The following ANKRD17 variants were observed in gnomAD, a reference collection of about 807,000 sequenced individuals.
ANKRD17 encodes ankyrin repeat domain-containing protein 17.
Under a neutral mutation model 229.7 loss-of-function variants are expected in ANKRD17, and 19 were observed. The observed-to-expected ratio is 0.08, with a 90% CI of 0.06 to 0.12. The LOEUF is 0.12. ANKRD17 is among the 10% of genes least tolerant of loss of function. The probability of loss-of-function intolerance (pLI) is 1.00; values close to 1 mark genes in which losing one functional copy is unlikely to be tolerated. For synonymous variants in ANKRD17, 1,112 were observed against 1,146.1 expected, an observed-to-expected ratio of 0.97 and a Z score of 0.60; for missense variants, 2,176 against 3,176.8, an observed-to-expected ratio of 0.68 and a Z score of 7.57.
intron 1 of ANKRD17, among the ~76,000 whole-genome samples, chr4:73,215,299 C>T (rs1050595747): frequency 3.3e-5 from 5 of 150,660 alleles, no homozygotes; most frequent in African/African-American, 4.9e-5. Flanking sequence ...CTTGCTCTGT[C>T]GCCAGGCTTG....
intron 1 of ANKRD17, among the ~76,000 whole-genome samples, chr4:73,183,312 T>C (rs1246995823): frequency 2.0e-5 from 3 of 152,202 alleles, no homozygotes; most frequent in African/African-American, 4.8e-5. Context: ...TAAGAAAATA[T>C]CCTTGTTTTT....
At chr4:73,190,848 A>C (rs1736978572) in intron 1 of ANKRD17, among the ~76,000 whole-genome samples, 1 of 152,156 alleles carries the variant, frequency 6.6e-6, no homozygotes, top group Admixed American at 6.5e-5. Flanking sequence ...AGAAAAGTGT[A>C]AGACCTACAG....
intron 2 of ANKRD17, among the ~76,000 whole-genome samples, chr4:73,176,047 A>G (rs1235978794): frequency 6.6e-6 from 1 of 152,170 alleles, no homozygotes; most frequent in Non-Finnish European, 1.5e-5. Flanking sequence ...AAATATTTGC[A>G]AACTACCCAG....
At chr4:73,205,720 A>G (rs903352747) in intron 1 of ANKRD17, among the ~76,000 whole-genome samples, 8 of 152,250 alleles carry the variant, frequency 5.3e-5, no homozygotes, top group African/African-American at 1.9e-4. Context: ...CTCAAATAAC[A>G]AAAGTAAAAA....
chr4:73,155,582 A>G (rs773188889), intron 5 of ANKRD17, 49 bp downstream of exon 5: 2 of 1,596,998 alleles, frequency 1.3e-6, no homozygotes, highest in South Asian at 2.2e-5. Flanking sequence ...AATCATTATT[A>G]CCAAATGATG....
chr4:73,237,281 A>C (rs1377477136), intron 1 of ANKRD17, among the ~76,000 whole-genome samples: 2 of 152,230 alleles, frequency 1.3e-5, no homozygotes, highest in Non-Finnish European at 1.5e-5. Context: ...CATGCATAGA[A>C]GACAAAAAGC....
At chr4:73,133,855 G>A (rs958799258) in intron 16 of ANKRD17, among the ~76,000 whole-genome samples, 1 of 152,126 alleles carries the variant, frequency 6.6e-6, no homozygotes, top group East Asian at 1.9e-4. Flanking sequence ...AAAAAGAATG[G>A]TGTCTTTGAA....
intron 1 of ANKRD17, among the ~76,000 whole-genome samples, chr4:73,228,247 T>C (rs1177163846): frequency 2.0e-5 from 3 of 152,160 alleles, no homozygotes; most frequent in Non-Finnish European, 4.4e-5. Flanking sequence ...TACGATTTGG[T>C]AAGATTTCTG....
intron 1 of ANKRD17, among the ~76,000 whole-genome samples, chr4:73,252,037 GTTCTGTTACCTCAAGACTTGAA>G (rs1179186149): frequency 6.6e-6 from 1 of 152,216 alleles, no homozygotes; most frequent in Non-Finnish European, 1.5e-5. Flanking sequence ...CTGCAACCAA[GTTCTGTTACCTCAAGACTTGAA>G]GTCCCAAAGA....
intron 24 of ANKRD17, among the ~76,000 whole-genome samples, chr4:73,106,547 G>C (rs1724644308): frequency 1.3e-5 from 2 of 152,100 alleles, no homozygotes; most frequent in Non-Finnish European, 1.5e-5. Flanking sequence ...AGGCACTGAG[G>C]GTTTCTGAGG....
chr4:73,208,649 C>A (rs1399011716), intron 1 of ANKRD17, among the ~76,000 whole-genome samples: 1 of 152,106 alleles, frequency 6.6e-6, no homozygotes, highest in Non-Finnish European at 1.5e-5. Context: ...TCCAAGGAAA[C>A]CCCAGTTAAG....
chr4:73,094,372 T>A, intron 27 of ANKRD17, 144 bp from the exon 28 acceptor site: 2 of 738,364 alleles, frequency 2.7e-6, no homozygotes, highest in South Asian at 4.3e-5. Flanking sequence ...ACTCTTACTC[T>A]AGATGAACAG....
chr4:73,154,838 G>C (rs1458553644), intron 5 of ANKRD17, among the ~76,000 whole-genome samples: 6 of 151,944 alleles, frequency 3.9e-5, no homozygotes, highest in African/African-American at 1.5e-4. Flanking sequence ...TCAGGAGATC[G>C]AGACCATCCC....
At chr4:73,145,055 G>A (rs1471819436) in intron 10 of ANKRD17, among the ~76,000 whole-genome samples, 2 of 152,108 alleles carry the variant, frequency 1.3e-5, no homozygotes, top group Non-Finnish European at 2.9e-5. Flanking sequence ...GCCAAAGTGA[G>A]CACTGGAAAT....
In ANKRD17 at chr4:73,077,495, T is replaced by C. The variant is rs563217293; in HGVS notation, c.7447A>G (p.Met2483Val). The C allele has an allele frequency of 9.3e-6, 15 of 1,612,340 alleles. No homozygotes were observed. The highest frequency in any genetic ancestry group is 7.7e-5 in the South Asian group (7 of 90,806). Reference protein sequence around the residue: ...DWCNPGMGNPMIHRPMSDPGV... With the variant: ...DWCNPGMGNPVIHRPMSDPGV... The stretch of plus-strand genomic sequence containing the variant: ...GGGTCAGACATCGGTCTGTGGATCA[T>C]AGGATTTCCCATCCCAGGGTTACAC... Residue 2483 changes from methionine to valine, a missense_variant, in exon 32 of 34, where the codon ATG becomes GTG. Met to Val is a conservative substitution (Grantham distance 21, BLOSUM62 1). Around this residue, in one of 18 missense-constraint regions of ANKRD17, gnomAD observed 159 missense variants for 214.3 expected, o/e 0.74. Transcript: ENST00000358602.
intron 3 of ANKRD17, among the ~76,000 whole-genome samples, chr4:73,160,862 T>A (rs1732435596): frequency 6.6e-6 from 1 of 152,234 alleles, no homozygotes; most frequent in Non-Finnish European, 1.5e-5. Flanking sequence ...CAATACATTT[T>A]TAAAAAAAAT....
intron 15 of ANKRD17, among the ~76,000 whole-genome samples, chr4:73,138,902 A>G (rs1028610808): frequency 6.6e-6 from 1 of 152,192 alleles, no homozygotes; most frequent in African/African-American, 2.4e-5. Context: ...AAAATATATC[A>G]TTTATGATAC....
rs1720920537 is a variant in ANKRD17 at position 73,075,139 on chromosome 4, A to G, written c.*1092T>C. 1 of 152,154 alleles carries G rather than the reference A, an allele frequency of 6.6e-6. No individual in the cohort carries two copies. The highest frequency in any genetic ancestry group is 6.5e-5 in the Admixed American group (1 of 15,276). 9.4% of individuals were successfully genotyped at this position (152,154 alleles called of 1,614,324 possible). ...AGCCTTTAAAATTGAAAAAAGAAATAAGATATTTTCCACTAAATTACTGAA... is the reference window on the plus strand; with the variant it reads ...AGCCTTTAAAATTGAAAAAAGAAATGAGATATTTTCCACTAAATTACTGAA... On this transcript the variant is annotated 3_prime_UTR_variant, in exon 34 of 34. Coordinates refer to ENST00000358602, the MANE Select transcript of ANKRD17 (RefSeq NM_032217.5).
intron 24 of ANKRD17, among the ~76,000 whole-genome samples, chr4:73,107,063 GAC>G (rs367557478): frequency 8.5e-5 from 13 of 152,178 alleles, no homozygotes; most frequent in African/African-American, 3.1e-4. Flanking sequence ...ACAGAAGGCA[GAC>G]ACAGAGACTG....
Sources: gnomAD v4.1 joint callset for allele counts (sites outside exome capture counted in the v4.1 genomes callset) on GRCh38, gnomAD v4.1.1 for gene constraint, gnomAD v4.1.1 regional missense constraint, MANE v1.5 for transcripts, NCBI Gene and HGNC (gene_info 2026-07-23, HGNC 2026-07-21) for gene names.